Variants in PGAP1 observed in about 807,000 individuals in gnomAD.
PGAP1 encodes the protein GPI inositol-deacylase.
PGAP1 carries 76 observed loss-of-function variants against 127.0 expected under a neutral mutation model. The observed-to-expected ratio is 0.60, with a 90% confidence interval of 0.50 to 0.72. The LOEUF (loss-of-function observed/expected upper bound fraction) is 0.72. Ranked by LOEUF, PGAP1 falls within the 30% of genes least tolerant of loss-of-function variation. The pLI is 0.00. For missense variants in PGAP1, 982 were observed against 1,071.3 expected (o/e 0.92, Z 1.16); for synonymous variants, 362 against 366.5 (o/e 0.99, Z 0.14).
At chr2:196,888,016 AT>A (rs1327438031) in intron 10 of PGAP1, among the ~76,000 whole-genome samples, 2 of 152,214 alleles carry the variant, frequency 1.3e-5, no homozygotes, top group Non-Finnish European at 2.9e-5. Flanking sequence ...CTGATATTCC[AT>A]ACTACTTCGG....
chr2:196,859,856 A>C (rs1257873870), intron 20 of PGAP1, among the ~76,000 whole-genome samples: 2 of 152,132 alleles, frequency 1.3e-5, no homozygotes, highest in East Asian at 3.8e-4. Flanking sequence ...AAAAGAACAT[A>C]CCTCAAAACA....
At chr2:196,886,996 T>C (rs73064980) in intron 10 of PGAP1, among the ~76,000 whole-genome samples, 15,555 of 152,178 alleles carry the variant, frequency 0.1, 960 homozygotes, top group African/African-American at 0.17. Flanking sequence ...CAAGAATGTG[T>C]TGGACTAAAG....
rs779050664 is a variant in PGAP1 at position 196,872,548 on chromosome 2, C to G, written c.1621G>C (p.Ala541Pro). Residue 541 changes from alanine (A) to proline (P), a missense_variant and splice_region_variant, in exon 18 of 27, where the codon GCT (alanine) becomes CCT (proline). Coordinates refer to ENST00000354764, the MANE Select transcript of PGAP1 (RefSeq NM_024989.4). ...AGAGAAATTTCTGTGGAAGATGGAGCCCTGAAGAGATAACTTAAATATCAA... is the reference window on the plus strand; with the variant it reads ...AGAGAAATTTCTGTGGAAGATGGAGGCCTGAAGAGATAACTTAAATATCAA... Reference protein sequence around the residue: ...SYEDSLTIAQAPSSTEISLKL... With the variant: ...SYEDSLTIAQPPSSTEISLKL... The G allele has an allele frequency of 1.9e-6, 3 of 1,597,826 alleles. No individual in the cohort carries two copies. The highest frequency in any genetic ancestry group is 2.6e-6 in the Non-Finnish European group (3 of 1,165,804).
intron 20 of PGAP1, among the ~76,000 whole-genome samples, chr2:196,864,513 AT>A (rs1285961479): frequency 6.6e-6 from 1 of 151,678 alleles, no homozygotes; most frequent in Non-Finnish European, 1.5e-5. Context: ...CTAGCAAATT[AT>A]TATATGAAGA....
intron 20 of PGAP1, among the ~76,000 whole-genome samples, chr2:196,860,284 C>A (rs1701022534): frequency 6.6e-6 from 1 of 152,122 alleles, no homozygotes. Flanking sequence ...GTAATCCCAG[C>A]ACTTTGGGAG....
chr2:196,843,805 A>G (rs1312524760), intron 25 of PGAP1, 83 bp downstream of exon 25: 1 of 810,504 alleles, frequency 1.2e-6, no homozygotes, highest in Admixed American at 3.3e-5. Context: ...ATTTTCATTA[A>G]CCATTAGGAA....
chr2:196,897,315 C>A, intron 6 of PGAP1, 118 bp from the exon 7 acceptor site: 1 of 480,494 alleles, frequency 2.1e-6, no homozygotes, highest in Non-Finnish European at 3.7e-6. Context: ...GCTCTAAACT[C>A]AAAAATTATG....
At chr2:196,878,645 T>C (rs1034563315) in intron 13 of PGAP1, among the ~76,000 whole-genome samples, 1 of 152,184 alleles carries the variant, frequency 6.6e-6, no homozygotes, top group Non-Finnish European at 1.5e-5. Flanking sequence ...ACTACTATAG[T>C]TAAAAATCTT....
intron 20 of PGAP1, among the ~76,000 whole-genome samples, chr2:196,860,817 T>C (rs1701041432): frequency 6.6e-6 from 1 of 152,168 alleles, no homozygotes; most frequent in Admixed American, 6.5e-5. Flanking sequence ...ATGAGAGTCT[T>C]CACTGGTATA....
At chr2:196,870,823 T>C (rs932502772) in intron 19 of PGAP1, 118 bp downstream of exon 19, 2 of 744,278 alleles carry the variant, frequency 2.7e-6, no homozygotes, top group Admixed American at 5.2e-5. Flanking sequence ...AGATACTGTA[T>C]GTGGTCTGCA....
At chr2:196,894,957 T>C (rs932978135) in intron 7 of PGAP1, among the ~76,000 whole-genome samples, 1 of 152,214 alleles carries the variant, frequency 6.6e-6, no homozygotes, top group African/African-American at 2.4e-5. Context: ...CTTATCACCA[T>C]GCTTAGGACT....
chr2:196,872,911 T>C, intron 17 of PGAP1, 49 bp downstream of exon 17: 1 of 704,518 alleles, frequency 1.4e-6, no homozygotes, highest in Non-Finnish European at 2.5e-6. Flanking sequence ...GCAGAATATC[T>C]ATTATTCAAA....
At chr2:196,884,166 C>A (rs938073178) in intron 12 of PGAP1, among the ~76,000 whole-genome samples, 4 of 152,074 alleles carry the variant, frequency 2.6e-5, no homozygotes, top group African/African-American at 9.7e-5. Flanking sequence ...TCTTCTTAAT[C>A]TTTATAGGCT....
At chr2:196,922,882 G>T (rs1703247700) in intron 1 of PGAP1, among the ~76,000 whole-genome samples, 1 of 151,422 alleles carries the variant, frequency 6.6e-6, no homozygotes, top group South Asian at 2.1e-4. Context: ...CAGAGACAGG[G>T]TTTCGCCATG....
At position 196,845,956 on chromosome 2, in the gene PGAP1, C is replaced by A; in HGVS notation, c.2212G>T (p.Val738Phe). ...GTTGTCCAACTAACTATGATCAAGA[C>A]AATTGTCAAAAAGGGCAAGTCTGGT... Reference protein sequence around the residue: ...ISPDLPFLTIVLIIVSWTTCG... With the variant: ...ISPDLPFLTIFLIIVSWTTCG... Residue 738 changes from valine (V) to phenylalanine (F), a missense_variant, in exon 23 of 27, where the codon GTC (valine) becomes TTC (phenylalanine). Transcript: ENST00000354764. 1 of 1,608,428 alleles carries A rather than the reference C, an allele frequency of 6.2e-7. No homozygotes were observed.
Position 196,835,553 on chromosome 2 carries a change from T to C in PGAP1, c.*5681A>G, listed in dbSNP as rs1700216065. ...CACACTAGGCTACAAATCTTGAATA[T>C]TTTCAAAGAAAAATTAGGGTATGAA... is the stretch of plus-strand genomic sequence containing the variant. On this transcript the variant is annotated 3_prime_UTR_variant, in exon 27 of 27. Transcript: ENST00000354764. The C allele has an allele frequency of 6.6e-6, 1 of 152,272 alleles. No individual in the cohort carries two copies. Among genetic ancestry groups the C allele is most frequent in the African/African-American group, 2.4e-5 (1 of 41,442 alleles). 9.4% of individuals were successfully genotyped at this position (152,272 alleles called of 1,614,324 possible). A position where few individuals can be genotyped will look rare whatever the true frequency, so the allele number is the denominator to read the frequency against.
chr2:196,905,686 G>A (rs944897478), intron 4 of PGAP1, among the ~76,000 whole-genome samples: 2 of 151,134 alleles, frequency 1.3e-5, no homozygotes, highest in Non-Finnish European at 3.0e-5. Flanking sequence ...TCCATCTGAG[G>A]TACCAGGTTC....
At chr2:196,848,158 A>G in intron 20 of PGAP1, 121 bp from the exon 21 acceptor site, 1 of 513,630 alleles carries the variant, frequency 1.9e-6, no homozygotes, top group Non-Finnish European at 3.3e-6. Flanking sequence ...CTTCATTACT[A>G]TCACAGAGAC....
intron 5 of PGAP1, among the ~76,000 whole-genome samples, chr2:196,899,243 A>C (rs1489727420): frequency 1.3e-5 from 2 of 152,246 alleles, no homozygotes; most frequent in African/African-American, 2.4e-5. Flanking sequence ...GCATAGATGC[A>C]AGAAAATTTA....
Sources: allele counts gnomAD v4.1 joint callset (sites outside exome capture counted in the v4.1 genomes callset), GRCh38; gene constraint gnomAD v4.1.1; transcripts MANE v1.5; gene names NCBI Gene and HGNC (gene_info 2026-07-23, HGNC 2026-07-21).